MFHAS1: variants seen among roughly 807,000 people sequenced by gnomAD.
The protein encoded by MFHAS1 is multifunctional ROCO family signaling regulator 1.
Under a neutral mutation model 70.4 loss-of-function variants are expected in MFHAS1, and 50 were observed. The ratio of observed to expected loss-of-function variants is 0.71; its 90% CI spans 0.57 to 0.90. The LOEUF (loss-of-function observed/expected upper bound fraction) is 0.90. Ranked by LOEUF, MFHAS1 falls within the 40% of genes least tolerant of loss-of-function variation. The probability of loss-of-function intolerance (pLI) is 0.00; values close to 1 mark genes in which losing one functional copy is unlikely to be tolerated. For synonymous variants in MFHAS1, 952 were observed against 620.0 expected, an observed-to-expected ratio of 1.54 and a Z score of -7.96; for missense variants, 1,795 against 1,347.6, an observed-to-expected ratio of 1.33 and a Z score of -5.20.
At chr8:8,833,020 C>A (rs937351349) in intron 1 of MFHAS1, among the ~76,000 whole-genome samples, 5 of 152,100 alleles carry the variant, frequency 3.3e-5, no homozygotes, top group African/African-American at 1.2e-4. Context: ...CCTCAACGAG[C>A]TTTTACTCAT....
chr8:8,834,058 G>A lies in MFHAS1; in HGVS notation c.2999-36567C>T, dbSNP rs568827031. 3.9e-5 allele frequency among the ~76,000 whole-genome samples: 6 copies of A among 151,952 alleles called. 1 individual carries two copies. The highest frequency in any genetic ancestry group is 9.7e-5 in the African/African-American group (4 of 41,416). On this transcript the variant is annotated intron_variant, in intron 1 of 2. Transcript: ENST00000276282. The stretch of plus-strand genomic sequence containing the variant: ...TGAGAATCGCTTGAACCCGGGAGGC[G>A]GAGGCTGCAGTGAGCCAAGATCGTG...
intron 1 of MFHAS1, among the ~76,000 whole-genome samples, chr8:8,862,793 C>G (rs886481377): frequency 6.6e-6 from 1 of 152,122 alleles, no homozygotes; most frequent in African/African-American, 2.4e-5. Flanking sequence ...GGGGATGCTA[C>G]TAATGGAGGA....
At chr8:8,887,412 T>C (rs1027691283) in intron 1 of MFHAS1, among the ~76,000 whole-genome samples, 1 of 151,930 alleles carries the variant, frequency 6.6e-6, no homozygotes, top group African/African-American at 2.4e-5. Context: ...TGCATCTTCT[T>C]AATGTAACGA....
intron 1 of MFHAS1, among the ~76,000 whole-genome samples, chr8:8,811,409 G>A (rs1284695963): frequency 1.3e-5 from 2 of 151,722 alleles, no homozygotes; most frequent in Non-Finnish European, 2.9e-5. Flanking sequence ...CCAAGTAAAT[G>A]GGACCACAGG....
chr8:8,880,034 C>T lies in MFHAS1; in HGVS notation c.2998+10027G>A, dbSNP rs181976797. Reference sequence around the variant, plus strand: ...GTACTTCTCTTCTACGTGTTCTTTACGGAGCTCGTGTATGTCACCCCTCAT... The same window carrying T: ...GTACTTCTCTTCTACGTGTTCTTTATGGAGCTCGTGTATGTCACCCCTCAT... On this transcript the variant is annotated intron_variant, in intron 1 of 2. Coordinates refer to ENST00000276282, the MANE Select transcript of MFHAS1 (RefSeq NM_004225.3). Among the ~76,000 whole-genome samples the T allele has an allele frequency of 2.6e-5, 4 of 152,328 alleles. No individual in the cohort carries two copies. In the East Asian group the frequency reaches 5.8e-4, roughly 22 times the overall value.
At chr8:8,849,378 G>C (rs1251255679) in intron 1 of MFHAS1, among the ~76,000 whole-genome samples, 1 of 152,116 alleles carries the variant, frequency 6.6e-6, no homozygotes, top group Non-Finnish European at 1.5e-5. Context: ...ACCGCACCCA[G>C]CCTTGTAGCA....
intron 1 of MFHAS1, among the ~76,000 whole-genome samples, chr8:8,850,069 T>C (rs1446069959): frequency 1.3e-5 from 2 of 152,222 alleles, no homozygotes; most frequent in African/African-American, 2.4e-5. Context: ...CTAATGAAGA[T>C]AATTTTGTAT....
intron 1 of MFHAS1, among the ~76,000 whole-genome samples, chr8:8,822,809 A>AG (rs570912115): frequency 7.2e-6 from 1 of 138,394 alleles, no homozygotes; most frequent in South Asian, 2.6e-4. Context: ...AGAAGGGGAC[A>AG]GGGACCAAGT....
chr8:8,859,777 C>T (rs560646863), intron 1 of MFHAS1, among the ~76,000 whole-genome samples: 1 of 152,304 alleles, frequency 6.6e-6, no homozygotes, highest in South Asian at 2.1e-4. Context: ...ATCAGTAAGA[C>T]TTCCAGTCAA....
At chr8:8,828,750 C>A (rs560546298) in intron 1 of MFHAS1, among the ~76,000 whole-genome samples, 2 of 152,244 alleles carry the variant, frequency 1.3e-5, no homozygotes, top group Admixed American at 1.3e-4. Flanking sequence ...GCAGTCCTCA[C>A]GGCGTGCATA....
intron 1 of MFHAS1, among the ~76,000 whole-genome samples, chr8:8,877,338 T>C (rs950920712): frequency 2.1e-5 from 3 of 141,344 alleles, no homozygotes; most frequent in African/African-American, 7.7e-5. Context: ...GTTCCATTAA[T>C]GCAAATTTAA....
chr8:8,832,048 ACGCGCGCGCGCG>A (rs111233259), intron 1 of MFHAS1, among the ~76,000 whole-genome samples: 2 of 116,684 alleles, frequency 1.7e-5, no homozygotes, highest in African/African-American at 5.6e-5. Context: ...GCGCACATGC[ACGCGCGCGCGCG>A]CGCACACACA....
intron 1 of MFHAS1, among the ~76,000 whole-genome samples, chr8:8,832,056 G>GCACACACACACA (rs1464235374): frequency 2.9e-5 from 4 of 136,044 alleles, no homozygotes; most frequent in African/African-American, 9.9e-5. Flanking sequence ...GCACGCGCGC[G>GCACACACACACA]CGCGCGCACA....
At chr8:8,868,623 C>G (rs748856831) in intron 1 of MFHAS1, among the ~76,000 whole-genome samples, 1 of 152,016 alleles carries the variant, frequency 6.6e-6, no homozygotes, top group Non-Finnish European at 1.5e-5. Context: ...GAAGATGAGG[C>G]CGCTCACAAA....
chr8:8,817,229 C>T (rs1266106498), intron 1 of MFHAS1, among the ~76,000 whole-genome samples: 1 of 151,538 alleles, frequency 6.6e-6, no homozygotes, highest in Non-Finnish European at 1.5e-5. Flanking sequence ...TAATCTCTGT[C>T]AGCTATGAGA....
At chr8:8,876,752 T>C (rs182506118) in intron 1 of MFHAS1, among the ~76,000 whole-genome samples, 181 of 152,022 alleles carry the variant, frequency 1.2e-3, no homozygotes, top group Non-Finnish European at 2.2e-4. Context: ...TCATACTGTA[T>C]TCCACCTCTT....
intron 1 of MFHAS1, among the ~76,000 whole-genome samples, chr8:8,800,074 T>G (rs976383309): frequency 1.3e-5 from 2 of 152,226 alleles, no homozygotes; most frequent in African/African-American, 4.8e-5. Flanking sequence ...TGCTTCTTTA[T>G]GCCAGAACTC....
intron 1 of MFHAS1, among the ~76,000 whole-genome samples, chr8:8,858,350 A>C (rs536161911): frequency 3.4e-4 from 51 of 152,234 alleles, no homozygotes; most frequent in African/African-American, 1.0e-3. Context: ...TCAAAATCTA[A>C]ATATATAACA....
chr8:8,787,945 A>G (rs995376523), intron 2 of MFHAS1, among the ~76,000 whole-genome samples: 1 of 152,212 alleles, frequency 6.6e-6, no homozygotes, highest in African/African-American at 2.4e-5. Flanking sequence ...GAAAACAACC[A>G]TCAAAATCAC....
Sources: gnomAD v4.1 joint callset for allele counts (sites outside exome capture counted in the v4.1 genomes callset) on GRCh38, gnomAD v4.1.1 for gene constraint, MANE v1.5 for transcripts, NCBI Gene and HGNC (gene_info 2026-07-23, HGNC 2026-07-21) for gene names.